Variants in MNAT1 observed in about 807,000 individuals in gnomAD.
MNAT1 encodes the protein CDK-activating kinase assembly factor MAT1.
In MNAT1, 43 loss-of-function variants were observed where a neutral mutation model predicts 42.0. The ratio of observed to expected loss-of-function variants is 1.02; its 90% CI spans 0.80 to 1.32. MNAT1 has a LOEUF of 1.32. Among genes scored for constraint, MNAT1 ranks in the 40% most tolerant of loss-of-function variants. The pLI is 0.00. For synonymous variants in MNAT1, 118 were observed against 120.0 expected (o/e 0.98, Z 0.11); for missense variants, 306 against 350.4 (o/e 0.87, Z 1.01).
chr14:60,851,596 C>G (rs780942244), intron 6 of MNAT1, among the ~76,000 whole-genome samples: 1 of 152,038 alleles, frequency 6.6e-6, no homozygotes, highest in African/African-American at 2.4e-5. Context: ...AGGTTTGTTA[C>G]GTAGGTACAC....
intron 3 of MNAT1, among the ~76,000 whole-genome samples, chr14:60,803,234 G>T (rs993675866): frequency 6.6e-6 from 1 of 151,958 alleles, no homozygotes; most frequent in Non-Finnish European, 1.5e-5. Context: ...CGCACCCAGC[G>T]AAAACTTCCT....
chr14:60,957,293 A>T (rs1032978590), intron 7 of MNAT1, among the ~76,000 whole-genome samples: 3 of 152,226 alleles, frequency 2.0e-5, no homozygotes, highest in African/African-American at 7.2e-5. Context: ...GCTAATAAAG[A>T]TATACCTGAG....
chr14:60,815,251 C>T (rs2032675796), intron 5 of MNAT1, among the ~76,000 whole-genome samples: 2 of 151,226 alleles, frequency 1.3e-5, no homozygotes, highest in Non-Finnish European at 2.9e-5. Flanking sequence ...GAGTCTTGCT[C>T]TGTGCCCCAG....
chr14:60,922,343 TG>T (rs751402024), intron 7 of MNAT1, among the ~76,000 whole-genome samples: 28 of 152,100 alleles, frequency 1.8e-4, no homozygotes, highest in South Asian at 8.3e-4. Flanking sequence ...GAATAGCAGG[TG>T]TGCATATAGT....
chr14:60,962,795 A>G (rs2036619209), intron 7 of MNAT1, among the ~76,000 whole-genome samples: 1 of 152,204 alleles, frequency 6.6e-6, no homozygotes, highest in Non-Finnish European at 1.5e-5. Flanking sequence ...TGATTGGTCT[A>G]AATGTCTGGC....
chr14:60,772,995 G>T (rs187147352), intron 1 of MNAT1, among the ~76,000 whole-genome samples: 3 of 151,082 alleles, frequency 2.0e-5, no homozygotes, highest in Non-Finnish European at 2.9e-5. Context: ...GTGCAGTGGC[G>T]TGATCTCGGC....
chr14:60,741,320 T>A (rs1281657304), intron 1 of MNAT1, among the ~76,000 whole-genome samples: 1 of 151,760 alleles, frequency 6.6e-6, no homozygotes, highest in Non-Finnish European at 1.5e-5. Flanking sequence ...GGACTACAGG[T>A]GCATGGCACC....
rs181444117 is a variant in MNAT1, at chr14:60,856,915, G to A, written c.688-22799G>A. 2.8e-4 allele frequency among the ~76,000 whole-genome samples: 42 copies of A among 152,162 alleles called. No homozygotes were observed. In the East Asian group the frequency reaches 7.0e-3, roughly 25 times the overall value. On this transcript the variant is annotated intron_variant, in intron 6 of 7. Coordinates refer to ENST00000261245, the MANE Select transcript of MNAT1 (RefSeq NM_002431.4). ...AGGCTGGTCTCGAACTCCTCACCTC[G>A]TGATCCGCCCGCCTCGGCCTCCCAA...
At chr14:60,763,249 A>G (rs1004569028) in intron 1 of MNAT1, among the ~76,000 whole-genome samples, 20 of 152,322 alleles carry the variant, frequency 1.3e-4, no homozygotes, top group Non-Finnish European at 2.4e-4. Flanking sequence ...TAATTTATAG[A>G]TGAAATGGCC....
chr14:60,969,461 T>C lies in MNAT1; in HGVS notation c.*1112T>C, dbSNP rs1293238292. On this transcript the variant is annotated 3_prime_UTR_variant, in exon 8 of 8. Transcript: ENST00000261245. ...TCTTATTTTACTAAGCAGTTATTAATTAATTTTAGCAATACATCTTCATCT... is the reference window on the plus strand; with the variant it reads ...TCTTATTTTACTAAGCAGTTATTAACTAATTTTAGCAATACATCTTCATCT... 4 of 152,180 alleles carry C rather than the reference T, an allele frequency of 2.6e-5. No homozygotes were observed. The highest frequency in any genetic ancestry group is 4.4e-5 in the Non-Finnish European group (3 of 68,008). 9.4% of individuals were successfully genotyped at this position (152,180 alleles called of 1,614,324 possible).
chr14:60,864,874 A>G (rs1343000888), intron 6 of MNAT1, among the ~76,000 whole-genome samples: 1 of 152,020 alleles, frequency 6.6e-6, no homozygotes, highest in Non-Finnish European at 1.5e-5. Flanking sequence ...TTTTTAGGAC[A>G]GAAGAAAGGT....
chr14:60,939,749 T>A (rs576085757), intron 7 of MNAT1, among the ~76,000 whole-genome samples: 1 of 152,210 alleles, frequency 6.6e-6, no homozygotes, highest in Non-Finnish European at 1.5e-5. Flanking sequence ...CTATTAGGTC[T>A]GCTTGGTGCA....
chr14:60,893,957 T>G (rs1365703594), intron 7 of MNAT1, among the ~76,000 whole-genome samples: 1 of 152,190 alleles, frequency 6.6e-6, no homozygotes, highest in East Asian at 1.9e-4. Flanking sequence ...TTCCTACTTC[T>G]TTCCCAGAGG....
chr14:60,831,156 T>C (rs576375516), intron 6 of MNAT1, among the ~76,000 whole-genome samples: 1 of 151,930 alleles, frequency 6.6e-6, no homozygotes. Context: ...GGAGGTTTGT[T>C]CTTGGGATAC....
intron 6 of MNAT1, among the ~76,000 whole-genome samples, chr14:60,875,473 C>T (rs1057159450): frequency 1.3e-5 from 2 of 152,080 alleles, no homozygotes; most frequent in African/African-American, 4.8e-5. Flanking sequence ...ACAGTATGAT[C>T]TTGCTCAGTC....
chr14:60,878,948 G>A (rs2034490631), intron 6 of MNAT1, among the ~76,000 whole-genome samples: 1 of 152,116 alleles, frequency 6.6e-6, no homozygotes, highest in Admixed American at 6.6e-5. Flanking sequence ...AGTCAGAATT[G>A]TGTAAGCTGA....
At chr14:60,898,431 T>A (rs4151319) in intron 7 of MNAT1, among the ~76,000 whole-genome samples, 1,956 of 152,238 alleles carry the variant, frequency 0.013, 20 homozygotes, top group Non-Finnish European at 0.019. Flanking sequence ...TGTGTAATTT[T>A]TTGTCTTTTT....
At chr14:60,779,923 C>G in intron 1 of MNAT1, 1 of 1,131,728 alleles carries the variant, frequency 8.8e-7, no homozygotes, top group Non-Finnish European at 1.3e-6. Context: ...TGGTTGCTGT[C>G]CGTGTAGTGA....
intron 7 of MNAT1, among the ~76,000 whole-genome samples, chr14:60,918,195 G>GTTT (rs1376166023): frequency 3.7e-4 from 18 of 48,900 alleles, no homozygotes; most frequent in African/African-American, 4.5e-4. Context: ...CCAATTAATT[G>GTTT]TTCTTTTTTT....
Sources: allele counts gnomAD v4.1 joint callset (sites outside exome capture counted in the v4.1 genomes callset), GRCh38; gene constraint gnomAD v4.1.1; transcripts MANE v1.5; gene names NCBI Gene and HGNC (gene_info 2026-07-23, HGNC 2026-07-21).